Variants in NKAIN3 observed in about 807,000 individuals in gnomAD.
NKAIN3 encodes the protein sodium/potassium-transporting ATPase subunit beta-1-interacting protein 3.
Under a neutral mutation model 30.2 loss-of-function variants are expected in NKAIN3, and 25 were observed. The ratio of observed to expected loss-of-function variants is 0.83; its 90% CI spans 0.60 to 1.16. The LOEUF is 1.16. NKAIN3 is among the 50% of genes most tolerant of loss of function. NKAIN3 has a pLI of 0.00. For synonymous variants in NKAIN3, 91 were observed against 89.6 expected (o/e 1.02, Z -0.09); for missense variants, 225 against 254.1 (o/e 0.89, Z 0.78).
At chr8:62,706,789 G>A (rs1218915102) in intron 3 of NKAIN3, among the ~76,000 whole-genome samples, 1 of 151,924 alleles carries the variant, frequency 6.6e-6, no homozygotes, top group African/African-American at 2.4e-5. Context: ...CGTCACCCAA[G>A]CAGTATACAC....
chr8:62,748,151 A>G (rs1283972821), intron 4 of NKAIN3, among the ~76,000 whole-genome samples: 1 of 152,156 alleles, frequency 6.6e-6, no homozygotes, highest in Non-Finnish European at 1.5e-5. Flanking sequence ...TCAGCCAGGT[A>G]GTTCTTCTGC....
chr8:62,565,001 A>C (rs1190273752), intron 1 of NKAIN3, among the ~76,000 whole-genome samples: 1 of 152,176 alleles, frequency 6.6e-6, no homozygotes, highest in African/African-American at 2.4e-5. Context: ...GCATAGCTAC[A>C]CAAGCATTTC....
At position 62,972,086 on chromosome 8, in the gene NKAIN3, C is replaced by T. The variant is rs11985884; in HGVS notation, c.*6679C>T. ...ACTTGGCTATTTTATTTTGGTAGGGCCTTCTCTTCTGAATTGATTGGTAGT... is the reference window on the plus strand; with the variant it reads ...ACTTGGCTATTTTATTTTGGTAGGGTCTTCTCTTCTGAATTGATTGGTAGT... On this transcript the variant is annotated 3_prime_UTR_variant, in exon 7 of 7. Transcript: ENST00000623646. Among the ~76,000 whole-genome samples, 2 of 152,086 alleles carry T rather than the reference C, an allele frequency of 1.3e-5. No individual in the cohort carries two copies. Among genetic ancestry groups the T allele is most frequent in the Non-Finnish European group, 2.9e-5 (2 of 67,990 alleles).
chr8:62,561,356 C>T (rs940113495), intron 1 of NKAIN3, among the ~76,000 whole-genome samples: 6 of 152,174 alleles, frequency 3.9e-5, no homozygotes, highest in Non-Finnish European at 5.9e-5. Flanking sequence ...AAAAGCATGT[C>T]TACTACATCT....
rs532010250 is a variant in NKAIN3 at position 62,421,021 on chromosome 8, C to G, written c.55-158518C>G. 2.6e-5 allele frequency among the ~76,000 whole-genome samples: 4 copies of G among 152,204 alleles called. No individual in the cohort carries two copies. In the South Asian group the frequency reaches 8.3e-4, roughly 32 times the overall value. ...CGGGTCTTAAACATGGCAGATAATCCACTCATCATTCTTAGGCATGCAGCC... is the reference window on the plus strand; with the variant it reads ...CGGGTCTTAAACATGGCAGATAATCGACTCATCATTCTTAGGCATGCAGCC... On this transcript the variant is annotated intron_variant, in intron 1 of 6. Transcript: ENST00000623646.
intron 5 of NKAIN3, among the ~76,000 whole-genome samples, chr8:62,927,230 T>C (rs1027437299): frequency 2.6e-5 from 4 of 152,114 alleles, no homozygotes; most frequent in East Asian, 3.9e-4. Context: ...GAAGATGCTG[T>C]CTCAGAGGCC....
rs550568788 is a variant in NKAIN3 at position 62,531,119 on chromosome 8, C to T, written c.55-48420C>T. Among the ~76,000 whole-genome samples the T allele has an allele frequency of 3.3e-5, 5 of 152,082 alleles. No homozygotes were observed. In the East Asian group the frequency reaches 7.7e-4, roughly 24 times the overall value. Reference sequence around the variant, plus strand: ...TAGTTCAGAGAGCCACAGTCGGGGGCCTGAGAGAAAAAAATGCTTAAGCTT... The same window carrying T: ...TAGTTCAGAGAGCCACAGTCGGGGGTCTGAGAGAAAAAAATGCTTAAGCTT... On this transcript the variant is annotated intron_variant, in intron 1 of 6. Transcript: ENST00000623646.
At chr8:62,491,785 C>T (rs1393748444) in intron 1 of NKAIN3, among the ~76,000 whole-genome samples, 2 of 151,918 alleles carry the variant, frequency 1.3e-5, no homozygotes, top group Non-Finnish European at 2.9e-5. Flanking sequence ...GCCTATCTAT[C>T]CTTCATGAGT....
chr8:62,329,447 C>T (rs72649372), intron 1 of NKAIN3, among the ~76,000 whole-genome samples: 4,313 of 152,176 alleles, frequency 0.028, 100 homozygotes, highest in Non-Finnish European at 0.044. Flanking sequence ...TCACCCATTC[C>T]GGAAGAATCG....
At chr8:62,729,042 A>AAC (rs1423316762) in intron 3 of NKAIN3, among the ~76,000 whole-genome samples, 70 of 127,602 alleles carry the variant, frequency 5.5e-4, no homozygotes, top group African/African-American at 2.4e-3. Context: ...AAAAAAAACA[A>AAC]AAAAAAAAAA....
rs1271289363 is a variant in NKAIN3, at chr8:62,979,866, G to A, written c.*14459G>A. 2 of 152,278 alleles carry A rather than the reference G, an allele frequency of 1.3e-5. No homozygotes were observed. The highest frequency in any genetic ancestry group is 4.8e-5 in the African/African-American group (2 of 41,470). 9.4% of individuals were successfully genotyped at this position (152,278 alleles called of 1,614,324 possible). On this transcript the variant is annotated 3_prime_UTR_variant, in exon 7 of 7. Transcript: ENST00000623646. ...GGACCCTGCTAATCAAGGCTACAGG[G>A]CAGCTGCAGAAAGACACCTGCTATT...
At chr8:62,273,760 C>G (rs1812844054) in intron 1 of NKAIN3, among the ~76,000 whole-genome samples, 1 of 152,164 alleles carries the variant, frequency 6.6e-6, no homozygotes, top group African/African-American at 2.4e-5. Context: ...CAGCCCTGTA[C>G]CCTCTTATGA....
At chr8:62,551,177 A>G (rs1012842572) in intron 1 of NKAIN3, among the ~76,000 whole-genome samples, 3 of 152,176 alleles carry the variant, frequency 2.0e-5, no homozygotes, top group Admixed American at 1.3e-4. Context: ...TACAATTTCT[A>G]TAGCTACATT....
intron 3 of NKAIN3, among the ~76,000 whole-genome samples, chr8:62,612,723 T>C (rs1217096803): frequency 1.5e-4 from 23 of 152,060 alleles, no homozygotes; most frequent in Admixed American, 1.5e-3. Context: ...TGAAGGTAAT[T>C]TTCTCTGGTG....
chr8:62,699,222 T>G (rs1375473457), intron 3 of NKAIN3, among the ~76,000 whole-genome samples: 1 of 152,214 alleles, frequency 6.6e-6, no homozygotes, highest in Non-Finnish European at 1.5e-5. Flanking sequence ...TTGATATAGC[T>G]ACACAAAAGC....
intron 5 of NKAIN3, among the ~76,000 whole-genome samples, chr8:62,992,839 T>C (rs1824349246): frequency 1.3e-5 from 2 of 152,170 alleles, no homozygotes; most frequent in African/African-American, 4.8e-5. Flanking sequence ...TGGGGAAAGC[T>C]GCATAACGAA....
At chr8:62,877,897 G>T (rs143921215) in intron 4 of NKAIN3, among the ~76,000 whole-genome samples, 1 of 151,910 alleles carries the variant, frequency 6.6e-6, no homozygotes, top group Non-Finnish European at 1.5e-5. Context: ...AAAATTAGCC[G>T]GGCATGGTGG....
intron 3 of NKAIN3, among the ~76,000 whole-genome samples, chr8:62,628,958 A>T (rs1260014239): frequency 1.3e-5 from 2 of 152,192 alleles, no homozygotes; most frequent in African/African-American, 4.8e-5. Flanking sequence ...TGTTGAATGA[A>T]TATTGAATAT....
At chr8:62,856,555 C>T (rs953997748) in intron 4 of NKAIN3, 2 of 781,884 alleles carry the variant, frequency 2.6e-6, no homozygotes, top group Non-Finnish European at 4.7e-6. Flanking sequence ...GGCTTAGGCA[C>T]TGTCATTGCC....
Sources: gnomAD v4.1 joint callset for allele counts (sites outside exome capture counted in the v4.1 genomes callset) on GRCh38, gnomAD v4.1.1 for gene constraint, MANE v1.5 for transcripts, NCBI Gene and HGNC (gene_info 2026-07-23, HGNC 2026-07-21) for gene names.